Variants in C1QTNF7 observed in about 807,000 individuals in gnomAD.
C1QTNF7 encodes C1q and TNF related 7.
In C1QTNF7, 15 loss-of-function variants were observed where a neutral mutation model predicts 19.6. The observed-to-expected ratio is 0.76, with a 90% CI of 0.51 to 1.18. The LOEUF is 1.18. C1QTNF7 is among the 50% of genes most tolerant of loss of function. C1QTNF7 has a pLI of 0.00. For missense variants in C1QTNF7, 324 were observed against 359.7 expected (o/e 0.90, Z 0.80); for synonymous variants, 142 against 137.5 (o/e 1.03, Z -0.23).
intron 2 of C1QTNF7, among the ~76,000 whole-genome samples, chr4:15,439,420 G>A (rs1037428114): frequency 7.9e-5 from 12 of 152,144 alleles, no homozygotes; most frequent in South Asian, 2.1e-4. Context: ...CAACACTTTC[G>A]TTTCAAGGAT....
intron 1 of C1QTNF7, among the ~76,000 whole-genome samples, chr4:15,435,218 G>A (rs1303936108): frequency 6.6e-6 from 1 of 152,146 alleles, no homozygotes; most frequent in African/African-American, 2.4e-5. Context: ...GACATGAGAA[G>A]GTGTTCATGA....
At chr4:15,403,708 C>T (rs1321435102) in intron 1 of C1QTNF7, among the ~76,000 whole-genome samples, 2 of 152,162 alleles carry the variant, frequency 1.3e-5, no homozygotes, top group Admixed American at 1.3e-4. Flanking sequence ...GGGGTAGACA[C>T]GTCTTTGAGG....
intron 1 of C1QTNF7, among the ~76,000 whole-genome samples, chr4:15,393,760 T>C (rs902764739): frequency 6.6e-6 from 1 of 152,168 alleles, no homozygotes; most frequent in Non-Finnish European, 1.5e-5. Flanking sequence ...CTAGACGCCA[T>C]GAGAGCACTA....
intron 1 of C1QTNF7, among the ~76,000 whole-genome samples, chr4:15,340,715 G>A (rs768527731): frequency 2.0e-5 from 3 of 152,172 alleles, no homozygotes; most frequent in Non-Finnish European, 2.9e-5. Context: ...ATTTTTAAAA[G>A]TTAAATAAAT....
rs142327287 is a variant in C1QTNF7, at chr4:15,386,593, A to G, written c.13+46386A>G. 5.5e-3 allele frequency among the ~76,000 whole-genome samples: 843 copies of G among 152,322 alleles called. 10 individuals carry two copies. Among genetic ancestry groups the G allele is most frequent in the African/African-American group, 0.019 (810 of 41,576 alleles). On this transcript the variant is annotated intron_variant, in intron 1 of 2. Transcript: ENST00000295297. ...GGGGTGTGGAATGGTTTGGTCTGCA[A>G]TTTTAAAGAGAGTGGTCAAAAGAGG... is the stretch of plus-strand genomic sequence containing the variant.
intron 1 of C1QTNF7, among the ~76,000 whole-genome samples, chr4:15,344,917 T>C (rs1402118201): frequency 6.6e-6 from 1 of 152,190 alleles, no homozygotes; most frequent in Non-Finnish European, 1.5e-5. Context: ...GTTTGTGACA[T>C]ATGAGGATCT....
intron 1 of C1QTNF7, among the ~76,000 whole-genome samples, chr4:15,367,663 C>T (rs765750716): frequency 6.6e-6 from 1 of 152,098 alleles, no homozygotes; most frequent in Non-Finnish European, 1.5e-5. Context: ...CCACATGGCC[C>T]TTATCTTGGT....
At chr4:15,392,995 G>C (rs1718632675) in intron 1 of C1QTNF7, among the ~76,000 whole-genome samples, 1 of 152,162 alleles carries the variant, frequency 6.6e-6, no homozygotes, top group Non-Finnish European at 1.5e-5. Context: ...ATCTCATCTT[G>C]AATTGTAGCT....
At chr4:15,438,306 G>C (rs71601477) in intron 2 of C1QTNF7, among the ~76,000 whole-genome samples, 40,951 of 151,996 alleles carry the variant, frequency 0.27, 6,593 homozygotes, top group East Asian at 0.37. Context: ...GATGAAGAGA[G>C]GTGTACCTCA....
intron 1 of C1QTNF7, among the ~76,000 whole-genome samples, chr4:15,368,957 G>C (rs1470339760): frequency 6.6e-6 from 1 of 152,160 alleles, no homozygotes; most frequent in African/African-American, 2.4e-5. Context: ...GAAATATGTG[G>C]TTTTAAGTTG....
chr4:15,403,576 C>T (rs1426993907), intron 1 of C1QTNF7, among the ~76,000 whole-genome samples: 3 of 152,072 alleles, frequency 2.0e-5, no homozygotes, highest in African/African-American at 7.2e-5. Flanking sequence ...GTCTCTTTTC[C>T]CCTTCTTTTC....
At chr4:15,350,194 GA>G (rs1716869011) in intron 1 of C1QTNF7, among the ~76,000 whole-genome samples, 2 of 120,294 alleles carry the variant, frequency 1.7e-5, no homozygotes, top group African/African-American at 5.9e-5. Context: ...AGGAAGGAAG[GA>G]AGGGAAGAAG....
intron 1 of C1QTNF7, among the ~76,000 whole-genome samples, chr4:15,364,140 C>G (rs1347780570): frequency 2.0e-5 from 3 of 152,222 alleles, no homozygotes; most frequent in Non-Finnish European, 4.4e-5. Flanking sequence ...CAGATCCTGT[C>G]AAACCTTTTC....
chr4:15,434,156 A>T (rs1268057355), intron 1 of C1QTNF7, among the ~76,000 whole-genome samples: 1 of 151,958 alleles, frequency 6.6e-6, no homozygotes, highest in Non-Finnish European at 1.5e-5. Context: ...CATGGCAAAA[A>T]TGTTCTCCTT....
At chr4:15,411,807 T>G (rs551527774) in intron 1 of C1QTNF7, among the ~76,000 whole-genome samples, 4 of 152,300 alleles carry the variant, frequency 2.6e-5, no homozygotes, top group African/African-American at 9.6e-5. Flanking sequence ...CAGGGCTACA[T>G]TCCTCTTGGA....
intron 1 of C1QTNF7, among the ~76,000 whole-genome samples, chr4:15,350,392 T>A (rs977164560): frequency 6.9e-6 from 1 of 144,344 alleles, no homozygotes; most frequent in Non-Finnish European, 1.5e-5. Context: ...TTTCTTCACT[T>A]TTTCCTAAAG....
Position 15,407,763 on chromosome 4 carries a change from T to A in C1QTNF7, c.14-27973T>A, listed in dbSNP as rs79475564. ...ATTCCAGAAGAGCAGCTCCTTCATG[T>A]TATATATATACATGTTAGCCGGGTG... On this transcript the variant is annotated intron_variant, in intron 1 of 2. Coordinates refer to the C1QTNF7 transcript ENST00000295297. Among the ~76,000 whole-genome samples, 426 of 152,188 alleles carry A rather than the reference T, an allele frequency of 2.8e-3. 2 individuals are homozygous for A. The highest frequency in any genetic ancestry group is 1.0e-2 in the African/African-American group (413 of 41,506).
chr4:15,427,709 T>C (rs995435068), upstream of C1QTNF7: 15 of 152,138 alleles, frequency 9.9e-5, no homozygotes, highest in African/African-American at 3.4e-4. Context: ...TTCCAGTCAG[T>C]GAGTAATTTT....
chr4:15,394,817 T>C (rs1718722005), intron 1 of C1QTNF7, among the ~76,000 whole-genome samples: 1 of 151,788 alleles, frequency 6.6e-6, no homozygotes, highest in South Asian at 2.1e-4. Flanking sequence ...GGTACTTTTT[T>C]ACCTAAGGCA....
Sources: allele counts gnomAD v4.1 joint callset (sites outside exome capture counted in the v4.1 genomes callset), GRCh38; gene constraint gnomAD v4.1.1; transcripts MANE v1.5; gene names NCBI Gene and HGNC (gene_info 2026-07-23, HGNC 2026-07-21).